Variants in SERPINB5 observed in about 807,000 individuals in gnomAD.
SERPINB5 encodes serpin B5.
Under a neutral mutation model 32.2 loss-of-function variants are expected in SERPINB5, and 27 were observed. That is an observed-to-expected ratio of 0.84 (90% CI 0.62 to 1.16). SERPINB5 has a LOEUF of 1.16. SERPINB5 is among the 50% of genes most tolerant of loss of function. SERPINB5 has a pLI of 0.00. For synonymous variants in SERPINB5, 154 were observed against 157.4 expected, an observed-to-expected ratio of 0.98 and a Z score of 0.16; for missense variants, 388 against 436.3, an observed-to-expected ratio of 0.89 and a Z score of 0.99.
intron 6 of SERPINB5, among the ~76,000 whole-genome samples, chr18:63,501,529 C>T (rs1909571946): frequency 6.6e-6 from 1 of 152,122 alleles, no homozygotes; most frequent in African/African-American, 2.4e-5. Flanking sequence ...TTTATAGCAG[C>T]ATGATTTATA....
At chr18:63,478,178 G>A (rs1434182236) in intron 1 of SERPINB5, among the ~76,000 whole-genome samples, 3 of 152,268 alleles carry the variant, frequency 2.0e-5, no homozygotes, top group African/African-American at 7.2e-5. Context: ...GCTTCCTAAC[G>A]CCTTGAATTG....
chr18:63,494,295 C>T (rs866603151), intron 5 of SERPINB5, among the ~76,000 whole-genome samples: 33 of 126,238 alleles, frequency 2.6e-4, no homozygotes, highest in African/African-American at 9.4e-4. Context: ...GCACTCCAGC[C>T]TGGGTGACAA....
chr18:63,487,187 T>A, intron 3 of SERPINB5, 104 bp downstream of exon 3: 3 of 1,107,588 alleles, frequency 2.7e-6, no homozygotes, highest in African/African-American at 1.6e-5. Flanking sequence ...CTTTCTAGGA[T>A]GTTCACTTGT....
chr18:63,499,708 G>A (rs948028918), intron 6 of SERPINB5, among the ~76,000 whole-genome samples: 2 of 152,148 alleles, frequency 1.3e-5, no homozygotes, highest in African/African-American at 4.8e-5. Flanking sequence ...GAAGGCTAGA[G>A]TGTCTCCCTC....
chr18:63,477,622 C>G (rs1324028061), intron 1 of SERPINB5, among the ~76,000 whole-genome samples: 2 of 152,288 alleles, frequency 1.3e-5, no homozygotes, highest in Non-Finnish European at 2.9e-5. Flanking sequence ...AAATTATTCT[C>G]CCTTCAGTTT....
chr18:63,477,697 T>C (rs1917057279), intron 1 of SERPINB5, among the ~76,000 whole-genome samples: 1 of 152,246 alleles, frequency 6.6e-6, no homozygotes, highest in African/African-American at 2.4e-5. Flanking sequence ...GACTTATAAA[T>C]TGTAATAGCT....
chr18:63,489,518 A>G (rs1917268294), intron 4 of SERPINB5, 54 bp downstream of exon 4: 1 of 960,642 alleles, frequency 1.0e-6, no homozygotes, highest in African/African-American at 1.7e-5. Flanking sequence ...AGGGCCTTCC[A>G]TCTCATAAAT....
At chr18:63,492,544 A>G (rs1909361714) in intron 4 of SERPINB5, among the ~76,000 whole-genome samples, 1 of 152,238 alleles carries the variant, frequency 6.6e-6, no homozygotes, top group Non-Finnish European at 1.5e-5. Context: ...CTGGCTTTGA[A>G]TCCTGAATCC....
chr18:63,501,697 C>T (rs1396653016), intron 6 of SERPINB5, among the ~76,000 whole-genome samples: 1 of 152,168 alleles, frequency 6.6e-6, no homozygotes, highest in African/African-American at 2.4e-5. Flanking sequence ...ATATCCTTTC[C>T]AGCACCTCTT....
At chr18:63,480,903 T>C (rs1917116748) in intron 1 of SERPINB5, among the ~76,000 whole-genome samples, 1 of 152,196 alleles carries the variant, frequency 6.6e-6, no homozygotes, top group African/African-American at 2.4e-5. Flanking sequence ...TACTAAGGGC[T>C]GTATGACCTT....
Position 63,484,473 on chromosome 18 carries a change from G to C in SERPINB5, c.45G>C (p.Leu15=). ...CAAATTCGGCTTTTGCCGTTGATCT[G>C]TTCAAACAACTATGTGAAAAGGAGC... ...QLANSAFAVD[L]FKQLCEKEPL... is the part of the protein sequence containing the mutation. The change falls in exon 2 of 7, where the codon CTG becomes CTC. Residue 15 remains leucine, a synonymous_variant. Coordinates refer to ENST00000382771, the MANE Select transcript of SERPINB5 (RefSeq NM_002639.5). 6.2e-7 allele frequency: 1 copy of C among 1,614,148 alleles called. No homozygotes were observed. The highest frequency in any genetic ancestry group is 8.5e-7 in the Non-Finnish European group (1 of 1,180,018).
chr18:63,478,376 C>A (rs1917070804), intron 1 of SERPINB5, among the ~76,000 whole-genome samples: 1 of 152,088 alleles, frequency 6.6e-6, no homozygotes, highest in Admixed American at 6.5e-5. Context: ...AAAGCAGACG[C>A]CCCCCTGCCA....
intron 5 of SERPINB5, among the ~76,000 whole-genome samples, chr18:63,495,347 T>A (rs1295680188): frequency 2.0e-5 from 3 of 149,256 alleles, no homozygotes; most frequent in Non-Finnish European, 4.4e-5. Context: ...ACCCAGCCTC[T>A]ACTGTGAGTT....
intron 5 of SERPINB5, among the ~76,000 whole-genome samples, chr18:63,495,593 T>C (rs1176981143): frequency 6.6e-6 from 1 of 152,144 alleles, no homozygotes; most frequent in Non-Finnish European, 1.5e-5. Context: ...AGTCAATGAG[T>C]AGAATGTGGA....
chr18:63,493,662 C>T (rs1479233574), intron 5 of SERPINB5: 2 of 156,212 alleles, frequency 1.3e-5, no homozygotes, highest in Non-Finnish European at 2.8e-5. Context: ...AGTTGGAGAC[C>T]AGCCTGGCCA....
At chr18:63,482,639 G>A (rs1328027573) in intron 1 of SERPINB5, among the ~76,000 whole-genome samples, 1 of 151,982 alleles carries the variant, frequency 6.6e-6, no homozygotes, top group Non-Finnish European at 1.5e-5. Context: ...AGACTAAATA[G>A]GTAGGTAGAC....
In SERPINB5 at chr18:63,493,131, A is replaced by G. The variant is rs766549575; in HGVS notation, c.567+36A>G. 4.3e-6 allele frequency: 7 copies of G among 1,613,696 alleles called. No individual in the cohort carries two copies. The South Asian group carries it at 6.6e-5, about 15-fold the overall frequency. On this transcript the variant is annotated intron_variant, in intron 5 of 6. Coordinates refer to ENST00000382771, the MANE Select transcript of SERPINB5 (RefSeq NM_002639.5). ...CAGCATGTAGCAGTAAAAGGAGCCC[A>G]ATTATAGATGTGAAAAATGATAGGG...
chr18:63,495,877 A>G (rs967382300), intron 5 of SERPINB5, among the ~76,000 whole-genome samples: 1 of 152,196 alleles, frequency 6.6e-6, no homozygotes, highest in Non-Finnish European at 1.5e-5. Context: ...TGCAGATGCT[A>G]TTACTTCTCC....
rs1917118878 is a variant in SERPINB5 at position 63,481,032 on chromosome 18, G to T, written c.-7-3390G>T. On this transcript the variant is annotated intron_variant, in intron 1 of 6. Transcript: ENST00000382771. ...TGCAAAGGAAGGGACTCACTCAAAG[G>T]GAAGGTCCGCCAATGGTGAGAGAAA... Among the ~76,000 whole-genome samples, 3 of 152,342 alleles carry T rather than the reference G, an allele frequency of 2.0e-5. 1 individual carries two copies. The Middle Eastern group carries it at 0.01, about 518-fold the overall frequency.
Sources: gnomAD v4.1 joint callset for allele counts (sites outside exome capture counted in the v4.1 genomes callset) on GRCh38, gnomAD v4.1.1 for gene constraint, MANE v1.5 for transcripts, NCBI Gene and HGNC (gene_info 2026-07-23, HGNC 2026-07-21) for gene names.